The following TENM3 variants were observed in gnomAD, a reference collection of about 807,000 sequenced individuals.
TENM3 encodes teneurin transmembrane protein 3.
A neutral mutation model predicts 255.1 loss-of-function variants in TENM3; 63 were observed. That is an observed-to-expected ratio of 0.25 (90% CI 0.20 to 0.30). The LOEUF (loss-of-function observed/expected upper bound fraction) is 0.30, where lower values mean the gene tolerates loss of function less well. Ranked by LOEUF, TENM3 falls within the 10% of genes least tolerant of loss-of-function variation. TENM3 has a pLI of 1.00. For missense variants in TENM3, 2,929 were observed against 3,461.1 expected (o/e 0.85, Z 3.86); for synonymous variants, 1,306 against 1,322.3 (o/e 0.99, Z 0.27).
chr4:181,497,358 G>A, the TENM3 span, among the ~76,000 whole-genome samples: 2 of 152,118 alleles, frequency 1.3e-5, no homozygotes. Context: ...CTACCCTATA[G>A]AAGATGCATA....
chr4:181,877,101 T>C, the TENM3 span: 1 of 152,150 alleles, frequency 6.6e-6, no homozygotes, highest in Non-Finnish European at 1.5e-5. Context: ...ACACATGTCT[T>C]GCCTTCCAGG....
the TENM3 span, among the ~76,000 whole-genome samples, chr4:181,661,754 A>T: frequency 6.6e-6 from 1 of 151,894 alleles, no homozygotes; most frequent in Non-Finnish European, 1.5e-5. Context: ...GTTTTTTCAC[A>T]GTTAATGAAA....
At chr4:181,520,951 A>G in the TENM3 span, among the ~76,000 whole-genome samples, 1 of 152,210 alleles carries the variant, frequency 6.6e-6, no homozygotes, top group Admixed American at 6.5e-5. Flanking sequence ...TTACACTTTA[A>G]TCTTCATTAA....
intron 3 of TENM3, among the ~76,000 whole-genome samples, chr4:182,514,295 G>T (rs1737716354): frequency 6.6e-6 from 1 of 152,196 alleles, no homozygotes; most frequent in South Asian, 2.1e-4. Flanking sequence ...ATGGTGTTAG[G>T]ATATGAAGAG....
the TENM3 span, among the ~76,000 whole-genome samples, chr4:181,547,702 C>T: frequency 0.013 from 1,978 of 152,096 alleles, 38 homozygotes; most frequent in African/African-American, 0.043. Context: ...GAAACAATGC[C>T]TTAGTTATAG....
intron 12 of TENM3, among the ~76,000 whole-genome samples, chr4:182,713,864 G>A (rs1327643976): frequency 6.6e-6 from 1 of 152,150 alleles, no homozygotes; most frequent in African/African-American, 2.4e-5. Flanking sequence ...ATATATTTCT[G>A]TCCTGCACAG....
the TENM3 span, among the ~76,000 whole-genome samples, chr4:181,824,859 G>A: frequency 1.3e-5 from 2 of 152,288 alleles, no homozygotes; most frequent in Admixed American, 1.3e-4. Flanking sequence ...GCTTAGGGAA[G>A]CACATTAAGT....
the TENM3 span, among the ~76,000 whole-genome samples, chr4:182,100,630 T>TATATACACACAC: frequency 4.2e-5 from 2 of 47,142 alleles, no homozygotes; most frequent in African/African-American, 1.1e-4. Context: ...TACACACACA[T>TATATACACACAC]ATATACACAT....
chr4:182,595,594 C>G (rs1223802894), intron 3 of TENM3, among the ~76,000 whole-genome samples: 1 of 152,026 alleles, frequency 6.6e-6, no homozygotes, highest in Non-Finnish European at 1.5e-5. Context: ...AACTGTTAGG[C>G]TTTCATTGAA....
chr4:181,681,887 A>T, the TENM3 span, among the ~76,000 whole-genome samples: 41 of 152,262 alleles, frequency 2.7e-4, no homozygotes, highest in Middle Eastern at 0.01. Flanking sequence ...GTGTTCCTAA[A>T]ATTATCTGCA....
the TENM3 span, among the ~76,000 whole-genome samples, chr4:181,496,599 T>TA: frequency 3.5e-4 from 54 of 152,258 alleles, no homozygotes; most frequent in Non-Finnish European, 4.7e-4. Flanking sequence ...TGCTCCTTTT[T>TA]AAAAAAAATC....
intron 3 of TENM3, among the ~76,000 whole-genome samples, chr4:182,531,916 C>G (rs1039232853): frequency 1.3e-5 from 2 of 152,174 alleles, no homozygotes; most frequent in African/African-American, 2.4e-5. Context: ...ATGGTGGGAA[C>G]CTTCCGGAAA....
chr4:181,591,937 T>C, the TENM3 span, among the ~76,000 whole-genome samples: 1 of 144,964 alleles, frequency 6.9e-6, no homozygotes, highest in East Asian at 2.1e-4. Flanking sequence ...TCAAAATAGC[T>C]ATGCTGAGTG....
the TENM3 span, among the ~76,000 whole-genome samples, chr4:181,809,162 A>G: frequency 1.8e-4 from 27 of 152,338 alleles, no homozygotes; most frequent in African/African-American, 6.3e-4. Context: ...GAAAGAAGTT[A>G]AAGAGAGCCA....
the TENM3 span, among the ~76,000 whole-genome samples, chr4:181,754,829 T>C: frequency 6.6e-6 from 1 of 152,192 alleles, no homozygotes; most frequent in Non-Finnish European, 1.5e-5. Flanking sequence ...TCTATTCCAT[T>C]ATTAGTCATG....
chr4:182,100,495 A>G, the TENM3 span, among the ~76,000 whole-genome samples: 1 of 144,182 alleles, frequency 6.9e-6, no homozygotes. Context: ...ATATATATAT[A>G]CACACACACA....
the TENM3 span, among the ~76,000 whole-genome samples, chr4:181,867,985 CTG>C: frequency 1.3e-5 from 2 of 152,080 alleles, no homozygotes; most frequent in Non-Finnish European, 2.9e-5. Context: ...TTCAAGAAAA[CTG>C]TTATTTCTTC....
chr4:182,252,233 A>G (rs989750356), intron 1 of TENM3, among the ~76,000 whole-genome samples: 1 of 152,004 alleles, frequency 6.6e-6, no homozygotes, highest in Non-Finnish European at 1.5e-5. Context: ...TCACACGTCC[A>G]GACCAGTCAA....
chr4:181,919,098 T>A, the TENM3 span, among the ~76,000 whole-genome samples: 1 of 152,256 alleles, frequency 6.6e-6, no homozygotes, highest in East Asian at 1.9e-4. Flanking sequence ...TGCGAGAGGA[T>A]AAGAATTCCT....
Sources: gnomAD v4.1 joint callset for allele counts (sites outside exome capture counted in the v4.1 genomes callset) on GRCh38, gnomAD v4.1.1 for gene constraint, MANE v1.5 for transcripts, NCBI Gene and HGNC (gene_info 2026-07-23, HGNC 2026-07-21) for gene names.